The following MPLKIP variants were observed in gnomAD, a reference collection of about 807,000 sequenced individuals.
The protein encoded by MPLKIP is M-phase-specific PLK1-interacting protein.
A neutral mutation model predicts 16.9 loss-of-function variants in MPLKIP; 16 were observed. That is an observed-to-expected ratio of 0.94 (90% CI 0.64 to 1.43). The LOEUF (loss-of-function observed/expected upper bound fraction) is 1.43. MPLKIP is among the 40% of genes most tolerant of loss of function. The pLI, the probability that MPLKIP is intolerant of heterozygous loss-of-function variation, is 0.00. For missense variants in MPLKIP, 282 were observed against 237.6 expected, an observed-to-expected ratio of 1.19 and a Z score of -1.23; for synonymous variants, 126 against 98.4, an observed-to-expected ratio of 1.28 and a Z score of -1.66.
Position 40,134,416 on chromosome 7 carries a change from G to A in MPLKIP, c.152C>T (p.Thr51Met). The A allele has an allele frequency of 1.3e-6, 2 of 1,563,996 alleles. No homozygotes were observed. Among genetic ancestry groups the A allele is most frequent in the Non-Finnish European group, 8.6e-7 (1 of 1,156,344 alleles). ...PRDGYGSPHH[T>M]PPYGPRSRPY... is the part of the protein sequence containing the mutation. ...CCTAGACCGGGGCCCGTACGGCGGC[G>A]TGTGGTGCGGACTCCCGTACCCGTC... Residue 51 changes from threonine to methionine, a missense_variant, in exon 1 of 2, where the codon ACG becomes ATG. By Grantham distance (81) the Thr-to-Met change is moderately conservative (BLOSUM62 -1). Transcript: ENST00000306984.
Position 40,134,534 on chromosome 7 carries a change from G to A in MPLKIP, c.34C>T (p.Pro12Ser), listed in dbSNP as rs1345934996. Residue 12 changes from proline to serine, a missense_variant, in exon 1 of 2, where the codon CCT becomes TCT. Physicochemically the swap from Pro to Ser is moderately conservative, Grantham distance 74. Transcript: ENST00000306984. ...QRQNFRPPTP[P>S]YPGPGGGGWG... ...CCTCCTCCACCCGGACCAGGGTAAGGAGGAGTTGGGGGCCGAAAATTCTGT... is the reference window on the plus strand; with the variant it reads ...CCTCCTCCACCCGGACCAGGGTAAGAAGGAGTTGGGGGCCGAAAATTCTGT... 3 of 1,594,104 alleles carry A rather than the reference G, an allele frequency of 1.9e-6. No homozygotes were observed. The highest frequency in any genetic ancestry group is 1.7e-5 in the Admixed American group (1 of 57,150).
rs1787424020 is a variant in MPLKIP, at chr7:40,128,760, C to CA, written c.*4298dup. 6.6e-6 allele frequency: 1 copy of CA among 151,964 alleles called. No individual in the cohort carries two copies. The highest frequency in any genetic ancestry group is 2.1e-4 in the South Asian group (1 of 4,822). 9.4% of individuals were successfully genotyped at this position (151,964 alleles called of 1,614,324 possible). On this transcript the variant is annotated 3_prime_UTR_variant, in exon 2 of 2. Transcript: ENST00000306984. ...TGAAACCCTGCCTCTACTAAAAATACAAAAAATTAGCTGGGTGTGGTGGCA... is the reference window on the plus strand; with the variant it reads ...TGAAACCCTGCCTCTACTAAAAATACAAAAAAATTAGCTGGGTGTGGTGGCA...
At position 40,129,618 on chromosome 7, in the gene MPLKIP, C is replaced by G. The variant is rs1584119422; in HGVS notation, c.*3441G>C. 1 of 151,820 alleles carries G rather than the reference C, an allele frequency of 6.6e-6. No homozygotes were observed. Among genetic ancestry groups the G allele is most frequent in the South Asian group, 2.1e-4 (1 of 4,762 alleles). 9.4% of individuals were successfully genotyped at this position (151,820 alleles called of 1,614,324 possible). The stretch of plus-strand genomic sequence containing the variant: ...AAAATAGATTAACTTCCATCATATT[C>G]TCTTAATTATGGCAGTCAGAAGTTG... On this transcript the variant is annotated 3_prime_UTR_variant, in exon 2 of 2. Transcript: ENST00000306984.
Position 40,126,221 on chromosome 7 carries a change from A to T in MPLKIP, c.*6838T>A, listed in dbSNP as rs886158239. On this transcript the variant is annotated 3_prime_UTR_variant, in exon 2 of 2. Coordinates refer to ENST00000306984, the MANE Select transcript of MPLKIP (RefSeq NM_138701.4). ...GACCTTATATTTACCATTTATAGAGAGTACAGCATATTGTTTTGCAGACTT... is the reference window on the plus strand; with the variant it reads ...GACCTTATATTTACCATTTATAGAGTGTACAGCATATTGTTTTGCAGACTT... The T allele has an allele frequency of 1.3e-5, 2 of 152,228 alleles. No homozygotes were observed. Among genetic ancestry groups the T allele is most frequent in the Non-Finnish European group, 2.9e-5 (2 of 68,056 alleles). The allele number at this position is 152,228 out of a possible 1,614,324, so 9.4% of individuals were successfully genotyped here. A position where few individuals can be genotyped will look rare whatever the true frequency, so the allele number is the denominator to read the frequency against.
At chr7:40,133,481 C>A (rs1787505741) in intron 1 of MPLKIP, among the ~76,000 whole-genome samples, 1 of 152,124 alleles carries the variant, frequency 6.6e-6, no homozygotes, top group African/African-American at 2.4e-5. Flanking sequence ...AATTCCATGA[C>A]CACTGTCATC....
rs896585724 is a variant in MPLKIP at position 40,132,848 on chromosome 7, A to G, written c.*211T>C. ...TATATGGAAACGGTAAATCTCTAAAATGTGGTAGGTACTTCCAGAGCTAAA... is the reference window on the plus strand; with the variant it reads ...TATATGGAAACGGTAAATCTCTAAAGTGTGGTAGGTACTTCCAGAGCTAAA... On this transcript the variant is annotated 3_prime_UTR_variant, in exon 2 of 2. Coordinates refer to ENST00000306984, the MANE Select transcript of MPLKIP (RefSeq NM_138701.4). The G allele has an allele frequency of 1.9e-5, 11 of 577,320 alleles. No homozygotes were observed. Among genetic ancestry groups the G allele is most frequent in the Non-Finnish European group, 2.8e-5 (9 of 324,794 alleles). The allele number at this position is 577,320 out of a possible 1,614,324, so 35.8% of individuals were successfully genotyped here. A position where few individuals can be genotyped will look rare whatever the true frequency, so the allele number is the denominator to read the frequency against.
In MPLKIP at chr7:40,126,478, G is replaced by A. The variant is rs1787392798; in HGVS notation, c.*6581C>T. ...AGACAGGATCTCCCTGTGTTGCCCA[G>A]GCTGGAGTGCAGTGGTGAGATCTTG... is the stretch of plus-strand genomic sequence containing the variant. On this transcript the variant is annotated 3_prime_UTR_variant, in exon 2 of 2. Coordinates refer to ENST00000306984, the MANE Select transcript of MPLKIP (RefSeq NM_138701.4). 1 of 152,176 alleles carries A rather than the reference G, an allele frequency of 6.6e-6. No homozygotes were observed. The highest frequency in any genetic ancestry group is 2.4e-5 in the African/African-American group (1 of 41,438). 9.4% of individuals were successfully genotyped at this position (152,176 alleles called of 1,614,324 possible). A position where few individuals can be genotyped will look rare whatever the true frequency, so the allele number is the denominator to read the frequency against.
chr7:40,133,157 G>A lies in MPLKIP; in HGVS notation c.442C>T (p.Pro148Ser), dbSNP rs1469394428. 1.2e-6 allele frequency: 2 copies of A among 1,613,786 alleles called. No homozygotes were observed. Among genetic ancestry groups the A allele is most frequent in the African/African-American group, 2.7e-5 (2 of 74,916 alleles). ...GATACTGGTTCTAGGCCAGCCCAAG[G>A]ATCTTCAAGCATTGAAGGCTTGAAA... ...NYFKPSMLED[P>S]WAGLEPVSVV... Residue 148 changes from proline to serine, a missense_variant, in exon 2 of 2, where the codon CCT becomes TCT. Physicochemically the swap from Pro to Ser is moderately conservative, Grantham distance 74. Transcript: ENST00000306984.
rs746094400 is a variant in MPLKIP, at chr7:40,134,541, TG to T, written c.26del (p.Pro9GlnfsTer144). MQRQNFRPPTPPYPGPGGG... is the reference protein window; with the variant it reads MQRQNFRPXTPPYPGPGGG... ...CACCCGGACCAGGGTAAGGAGGAGT[TG>T]GGGGCCGAAAATTCTGTCGCTGCAT... is the stretch of plus-strand genomic sequence containing the variant. On this transcript the variant is annotated frameshift_variant, in exon 1 of 2. Coordinates refer to ENST00000306984, the MANE Select transcript of MPLKIP (RefSeq NM_138701.4). LOFTEE classifies it high-confidence loss of function. 8 of 1,592,796 alleles carry T rather than the reference TG, an allele frequency of 5.0e-6. No homozygotes were observed. The highest frequency in any genetic ancestry group is 3.4e-6 in the Non-Finnish European group (4 of 1,171,630).
Position 40,131,236 on chromosome 7 carries a change from T to C in MPLKIP, c.*1823A>G, listed in dbSNP as rs1787458369. The C allele has an allele frequency of 6.6e-6, 1 of 152,170 alleles. No homozygotes were observed. Among genetic ancestry groups the C allele is most frequent in the Admixed American group, 6.5e-5 (1 of 15,274 alleles). The allele number at this position is 152,170 out of a possible 1,614,324, so 9.4% of individuals were successfully genotyped here. The stretch of plus-strand genomic sequence containing the variant: ...AAAGCCTTCCATTCTTATTTTCTAG[T>C]CTCTGTGAAATACCTAATGAACAAA... On this transcript the variant is annotated 3_prime_UTR_variant, in exon 2 of 2. Transcript: ENST00000306984.
chr7:40,130,189 T>C lies in MPLKIP; in HGVS notation c.*2870A>G, dbSNP rs1787443522. The C allele has an allele frequency of 6.6e-6, 1 of 152,246 alleles. No individual in the cohort carries two copies. The highest frequency in any genetic ancestry group is 2.4e-5 in the African/African-American group (1 of 41,474). The allele number at this position is 152,246 out of a possible 1,614,324, so 9.4% of individuals were successfully genotyped here. The stretch of plus-strand genomic sequence containing the variant: ...CTTCCATCCTTTAAGCATATGAATT[T>C]TTAAGATGTATACTTAATTGTAAGT... On this transcript the variant is annotated 3_prime_UTR_variant, in exon 2 of 2. Transcript: ENST00000306984.
Position 40,134,265 on chromosome 7 carries a change from G to C in MPLKIP, c.303C>G (p.Phe101Leu). The C allele has an allele frequency of 6.4e-7, 1 of 1,561,250 alleles. No individual in the cohort carries two copies. Among genetic ancestry groups the C allele is most frequent in the South Asian group, 1.2e-5 (1 of 84,864 alleles). ...SRSPAGSQQQ[F>L]GYSPGQQQTH... Reference sequence around the variant, plus strand: ...TCTGCTGCTGCCCTGGGGAGTAGCCGAATTGCTGCTGGGACCCCGCGGGGG... The same window carrying C: ...TCTGCTGCTGCCCTGGGGAGTAGCCCAATTGCTGCTGGGACCCCGCGGGGG... Residue 101 changes from phenylalanine (F) to leucine (L), a missense_variant, in exon 1 of 2, where the codon TTC becomes TTG. Coordinates refer to ENST00000306984, the MANE Select transcript of MPLKIP (RefSeq NM_138701.4).
chr7:40,134,427 A>T lies in MPLKIP; in HGVS notation c.141T>A (p.Ser47Arg). The change falls in exon 1 of 2, where the codon AGT becomes AGA. Residue 47 changes from serine (S) to arginine (R), a missense_variant. By Grantham distance (110) the Ser-to-Arg change is moderately radical. Coordinates refer to ENST00000306984, the MANE Select transcript of MPLKIP (RefSeq NM_138701.4). The part of the protein sequence containing the change: ...RPPSPRDGYG[S>R]PHHTPPYGPR... Reference sequence around the variant, plus strand: ...GCCCGTACGGCGGCGTGTGGTGCGGACTCCCGTACCCGTCTCGAGGGGAGG... The same window carrying T: ...GCCCGTACGGCGGCGTGTGGTGCGGTCTCCCGTACCCGTCTCGAGGGGAGG... 1 of 1,564,406 alleles carries T rather than the reference A, an allele frequency of 6.4e-7. No individual in the cohort carries two copies. Among genetic ancestry groups the T allele is most frequent in the South Asian group, 1.2e-5 (1 of 85,794 alleles).
Position 40,131,967 on chromosome 7 carries a change from T to C in MPLKIP, c.*1092A>G, listed in dbSNP as rs1035063406. ...AGCCGAAGGTTGCAGTGAGCCAAGA[T>C]TGCACCACTGCACTCCAGCTTGGGC... On this transcript the variant is annotated 3_prime_UTR_variant, in exon 2 of 2. Transcript: ENST00000306984. The C allele has an allele frequency of 7.9e-5, 12 of 152,318 alleles. No homozygotes were observed. Among genetic ancestry groups the C allele is most frequent in the African/African-American group, 2.4e-4 (10 of 41,568 alleles). The allele number at this position is 152,318 out of a possible 1,614,324, so 9.4% of individuals were successfully genotyped here. A position where few individuals can be genotyped will look rare whatever the true frequency, so the allele number is the denominator to read the frequency against.
In MPLKIP at chr7:40,129,786, GA is replaced by G. The variant is rs11441182; in HGVS notation, c.*3272del. ...CTATAAGGAGACCCTCTAACTCTTT[GA>G]AAAAAAAAAAAAGTCTGTTAATGTT... On this transcript the variant is annotated 3_prime_UTR_variant, in exon 2 of 2. Coordinates refer to ENST00000306984, the MANE Select transcript of MPLKIP (RefSeq NM_138701.4). 670 of 142,604 alleles carry G rather than the reference GA, an allele frequency of 4.7e-3. 5 individuals are homozygous for G. The highest frequency in any genetic ancestry group is 0.016 in the African/African-American group (593 of 38,200). The allele number at this position is 142,604 out of a possible 1,614,324, so 8.8% of individuals were successfully genotyped here. A position where few individuals can be genotyped will look rare whatever the true frequency, so the allele number is the denominator to read the frequency against.
rs1254535475 is a variant in MPLKIP at position 40,129,915 on chromosome 7, A to C, written c.*3144T>G. On this transcript the variant is annotated 3_prime_UTR_variant, in exon 2 of 2. Coordinates refer to ENST00000306984, the MANE Select transcript of MPLKIP (RefSeq NM_138701.4). ...GTTGGGGTCATTTCTGCAAAACACA[A>C]CTTGCCATAGGTTTCTTTTGTAAAA... The C allele has an allele frequency of 1.3e-5, 2 of 152,182 alleles. No individual in the cohort carries two copies. Among genetic ancestry groups the C allele is most frequent in the African/African-American group, 4.8e-5 (2 of 41,442 alleles). The allele number at this position is 152,182 out of a possible 1,614,324, so 9.4% of individuals were successfully genotyped here.
rs1387085322 is a variant in MPLKIP, at chr7:40,132,754, A to ATTT, written c.*304_*305insAAA. The stretch of plus-strand genomic sequence containing the variant: ...AAAACCACAATAGCTAGAAGACAAA[A>ATTT]TGTTTTATTTTAAAACATTGAAAAA... On this transcript the variant is annotated 3_prime_UTR_variant, in exon 2 of 2. Transcript: ENST00000306984. 6 of 382,866 alleles carry ATTT rather than the reference A, an allele frequency of 1.6e-5. No homozygotes were observed. Among genetic ancestry groups the ATTT allele is most frequent in the Non-Finnish European group, 2.4e-5 (5 of 205,136 alleles). The allele number at this position is 382,866 out of a possible 1,614,324, so 23.7% of individuals were successfully genotyped here.
At position 40,132,989 on chromosome 7, in the gene MPLKIP, ATCAACAC is replaced by A. The variant is rs1787483075; in HGVS notation, c.*63_*69del. On this transcript the variant is annotated 3_prime_UTR_variant, in exon 2 of 2. Coordinates refer to ENST00000306984, the MANE Select transcript of MPLKIP (RefSeq NM_138701.4). ...AGTCATCATCTTTGGGTAAATTTAT[ATCAACAC>A]AACTTAAAGTTTTGTCCAAGATGTT... 18 of 1,365,094 alleles carry A rather than the reference ATCAACAC, an allele frequency of 1.3e-5. No individual in the cohort carries two copies. In the South Asian group the frequency reaches 2.0e-4, roughly 15 times the overall value. The allele number at this position is 1,365,094 out of a possible 1,614,324, so 84.6% of individuals were successfully genotyped here.
In MPLKIP at chr7:40,130,307, T is replaced by C. The variant is rs1437466901; in HGVS notation, c.*2752A>G. 1 of 152,252 alleles carries C rather than the reference T, an allele frequency of 6.6e-6. No individual in the cohort carries two copies. Among genetic ancestry groups the C allele is most frequent in the Non-Finnish European group, 1.5e-5 (1 of 68,048 alleles). The allele number at this position is 152,252 out of a possible 1,614,324, so 9.4% of individuals were successfully genotyped here. A position where few individuals can be genotyped will look rare whatever the true frequency, so the allele number is the denominator to read the frequency against. ...CCCTTTCATTTTAAAGAATAATCAATTCCTTTTACTCAGATAAATAAAAAT... is the reference window on the plus strand; with the variant it reads ...CCCTTTCATTTTAAAGAATAATCAACTCCTTTTACTCAGATAAATAAAAAT... On this transcript the variant is annotated 3_prime_UTR_variant, in exon 2 of 2. Transcript: ENST00000306984.
Sources: gnomAD v4.1 joint callset for allele counts (sites outside exome capture counted in the v4.1 genomes callset) on GRCh38, gnomAD v4.1.1 for gene constraint, MANE v1.5 for transcripts, NCBI Gene and HGNC (gene_info 2026-07-23, HGNC 2026-07-21) for gene names.